Variants in KNTC1 observed in about 807,000 individuals in gnomAD.
KNTC1 encodes the protein kinetochore-associated protein 1.
In KNTC1, 253 loss-of-function variants were observed where a neutral mutation model predicts 314.4. That is an observed-to-expected ratio of 0.80 (90% confidence interval 0.73 to 0.89). KNTC1 has a LOEUF of 0.89. KNTC1 is among the 40% of genes least tolerant of loss of function. The probability of loss-of-function intolerance (pLI) is 0.00; values close to 1 mark genes in which losing one functional copy is unlikely to be tolerated. For synonymous variants in KNTC1, 901 were observed against 901.4 expected (o/e 1.00, Z 0.01); for missense variants, 2,475 against 2,572.9 (o/e 0.96, Z 0.82).
chr12:122,571,547 A>C (rs1234107443), intron 24 of KNTC1, among the ~76,000 whole-genome samples: 1 of 151,866 alleles, frequency 6.6e-6, no homozygotes. Context: ...TTTGTAAAGA[A>C]GGGGTTTTGC....
intron 1 of KNTC1, among the ~76,000 whole-genome samples, chr12:122,528,110 C>T (rs1363429389): frequency 6.6e-6 from 1 of 152,198 alleles, no homozygotes; most frequent in Admixed American, 6.5e-5. Context: ...AGAAAGGTGT[C>T]TGGCACATAG....
At chr12:122,620,866 C>T (rs1423708343) in intron 60 of KNTC1, among the ~76,000 whole-genome samples, 1 of 152,158 alleles carries the variant, frequency 6.6e-6, no homozygotes, top group Non-Finnish European at 1.5e-5. Flanking sequence ...GAACAGCAAA[C>T]TGAAATGATG....
intron 42 of KNTC1, among the ~76,000 whole-genome samples, chr12:122,592,085 G>T (rs1287493146): frequency 6.6e-6 from 1 of 152,230 alleles, no homozygotes; most frequent in Non-Finnish European, 1.5e-5. Flanking sequence ...GGAGTTCCGG[G>T]TGGATGTGGG....
intron 9 of KNTC1, 115 bp downstream of exon 9, chr12:122,546,384 C>A: frequency 1.4e-6 from 1 of 692,970 alleles, no homozygotes; most frequent in Admixed American, 2.7e-5. Flanking sequence ...TGAAACAAGC[C>A]AGAATAGCTT....
chr12:122,601,712 A>G (rs1871939344), intron 45 of KNTC1, 87 bp downstream of exon 45: 1 of 1,216,720 alleles, frequency 8.2e-7, no homozygotes, highest in Non-Finnish European at 1.1e-6. Context: ...GCCTTTCCAA[A>G]TTATCCATTG....
At chr12:122,542,177 G>A (rs1302967431) in intron 6 of KNTC1, 50 bp downstream of exon 6, 1 of 1,230,406 alleles carries the variant, frequency 8.1e-7, no homozygotes, top group East Asian at 2.7e-5. Flanking sequence ...ATATTTACTA[G>A]TTTTATTAAT....
Position 122,551,698 on chromosome 12 carries a change from TA to T in KNTC1, c.1272+4del. On this transcript the variant is annotated splice_donor_region_variant and intron_variant, in intron 16 of 63. Transcript: ENST00000333479. ...ATTCAGTTTGGACTAGATGTTGAGGTAATCATTCATGTATTCATTTGTTCAC... is the reference window on the plus strand; with the variant it reads ...ATTCAGTTTGGACTAGATGTTGAGGTATCATTCATGTATTCATTTGTTCAC... 1.2e-6 allele frequency: 2 copies of T among 1,606,536 alleles called. No homozygotes were observed. The highest frequency in any genetic ancestry group is 1.7e-6 in the Non-Finnish European group (2 of 1,173,154).
At chr12:122,604,487 T>C in intron 48 of KNTC1, 77 bp from the exon 49 acceptor site, 1 of 862,642 alleles carries the variant, frequency 1.2e-6, no homozygotes, top group South Asian at 1.8e-5. Flanking sequence ...GTTGCTAATT[T>C]GACCAAAATA....
intron 20 of KNTC1, among the ~76,000 whole-genome samples, chr12:122,564,104 A>G (rs1964153693): frequency 6.6e-6 from 1 of 152,070 alleles, no homozygotes; most frequent in Non-Finnish European, 1.5e-5. Flanking sequence ...CAGCCTCCCA[A>G]GTAACTGGGA....
At chr12:122,606,479 A>C (rs892523382) in intron 51 of KNTC1, among the ~76,000 whole-genome samples, 9 of 151,912 alleles carry the variant, frequency 5.9e-5, no homozygotes, top group Non-Finnish European at 1.0e-4. Context: ...TGGCCTCCCA[A>C]AGTGTTGGGA....
intron 6 of KNTC1, among the ~76,000 whole-genome samples, chr12:122,543,267 A>G (rs7973067): frequency 0.036 from 5,471 of 152,102 alleles, 356 homozygotes; most frequent in African/African-American, 0.13. Context: ...TCTTGGGTAT[A>G]TGACAAGATT....
At chr12:122,559,704 C>G (rs189137004) in intron 18 of KNTC1, among the ~76,000 whole-genome samples, 105 of 152,202 alleles carry the variant, frequency 6.9e-4, no homozygotes, top group African/African-American at 2.5e-3. Flanking sequence ...TCTCAAGTAG[C>G]TGAGATTACA....
At chr12:122,580,056 C>A in intron 32 of KNTC1, 79 bp downstream of exon 32, 3 of 891,884 alleles carry the variant, frequency 3.4e-6, no homozygotes, top group South Asian at 3.0e-5. Flanking sequence ...GAAGACAACT[C>A]TCACCGTACC....
At chr12:122,546,121 A>C in intron 8 of KNTC1, 55 bp from the exon 9 acceptor site, 1 of 988,650 alleles carries the variant, frequency 1.0e-6, no homozygotes, top group Non-Finnish European at 1.6e-6. Flanking sequence ...ACTTTGAGGA[A>C]GGCTCAGGTC....
intron 33 of KNTC1, among the ~76,000 whole-genome samples, chr12:122,580,902 C>T (rs1965379104): frequency 6.6e-6 from 1 of 152,044 alleles, no homozygotes; most frequent in African/African-American, 2.4e-5. Flanking sequence ...GTGGCACTCA[C>T]CTGTAGTCCC....
At chr12:122,532,502 CGG>C (rs942242557) in intron 2 of KNTC1, among the ~76,000 whole-genome samples, 1 of 151,974 alleles carries the variant, frequency 6.6e-6, no homozygotes, top group African/African-American at 2.4e-5. Flanking sequence ...TCACTGTGCC[CGG>C]GCTTTATTTT....
chr12:122,576,886 C>G lies in KNTC1; in HGVS notation c.2587-9C>G, dbSNP rs199667584. ...TATAACAAAGAAATGTTCATATTGT[C>G]TTTTGCAGAGAGTGGTTAGATACAT... On this transcript the variant is annotated splice_polypyrimidine_tract_variant and intron_variant, in intron 29 of 63. Transcript: ENST00000333479. The G allele has an allele frequency of 6.4e-7, 1 of 1,553,886 alleles. No individual in the cohort carries two copies. Among genetic ancestry groups the G allele is most frequent in the African/African-American group, 1.4e-5 (1 of 71,818 alleles).
At chr12:122,555,077 T>C (rs542841355) in intron 16 of KNTC1, among the ~76,000 whole-genome samples, 2 of 152,306 alleles carry the variant, frequency 1.3e-5, no homozygotes, top group South Asian at 4.1e-4. Context: ...TCTGTAACTT[T>C]TGGACTGCAT....
At chr12:122,552,718 G>A (rs1030693174) in intron 16 of KNTC1, among the ~76,000 whole-genome samples, 1 of 152,138 alleles carries the variant, frequency 6.6e-6, no homozygotes, top group African/African-American at 2.4e-5. Context: ...TTTTAAGCAG[G>A]AGAGTATCTT....
Sources: gnomAD v4.1 joint callset for allele counts (sites outside exome capture counted in the v4.1 genomes callset) on GRCh38, gnomAD v4.1.1 for gene constraint, MANE v1.5 for transcripts, NCBI Gene and HGNC (gene_info 2026-07-23, HGNC 2026-07-21) for gene names.